The following SLC9A9 variants were observed in gnomAD, a reference collection of about 807,000 sequenced individuals.
SLC9A9 encodes the protein sodium/hydrogen exchanger 9.
In SLC9A9, 62 loss-of-function variants were observed where a neutral mutation model predicts 77.8. That is an observed-to-expected ratio of 0.80 (90% CI 0.65 to 0.98). The LOEUF is 0.98. Ranked by LOEUF, SLC9A9 falls within the 50% of genes least tolerant of loss-of-function variation. The pLI, the probability that SLC9A9 is intolerant of heterozygous loss-of-function variation, is 0.00. For missense variants in SLC9A9, 775 were observed against 774.9 expected (o/e 1.00, Z 0.00); for synonymous variants, 320 against 283.5 (o/e 1.13, Z -1.29).
At chr3:143,320,033 T>C (rs1009506559) in intron 14 of SLC9A9, among the ~76,000 whole-genome samples, 2 of 152,228 alleles carry the variant, frequency 1.3e-5, no homozygotes, top group Non-Finnish European at 2.9e-5. Flanking sequence ...TGTTTTTCCA[T>C]TGGAGATAGA....
In SLC9A9 at chr3:143,267,079, A is replaced by G. The variant is rs904070759; in HGVS notation, c.1711-150T>C. On this transcript the variant is annotated intron_variant, in intron 15 of 15. Coordinates refer to ENST00000316549, the MANE Select transcript of SLC9A9 (RefSeq NM_173653.4). ...CTTGGCTGATGTTTCTGCTGCAGGC[A>G]TGGTACAGCCTTTCCCTGAGTCAGC... The G allele has an allele frequency of 1.1e-5, 8 of 737,450 alleles. No homozygotes were observed. The Admixed American group carries it at 1.7e-4, about 16-fold the overall frequency. 45.7% of individuals were successfully genotyped at this position (737,450 alleles called of 1,614,324 possible). A position where few individuals can be genotyped will look rare whatever the true frequency, so the allele number is the denominator to read the frequency against.
At chr3:143,465,541 C>G (rs962921340) in intron 12 of SLC9A9, among the ~76,000 whole-genome samples, 2 of 152,198 alleles carry the variant, frequency 1.3e-5, no homozygotes, top group African/African-American at 4.8e-5. Context: ...CCTGACATCA[C>G]TACTTTATGT....
chr3:143,509,473 C>T (rs766818356), intron 9 of SLC9A9, among the ~76,000 whole-genome samples: 7 of 152,072 alleles, frequency 4.6e-5, no homozygotes, highest in Admixed American at 1.3e-4. Flanking sequence ...TCTGTAAAGC[C>T]TCTGTGTTGA....
At chr3:143,820,957 G>A (rs1823220) in intron 2 of SLC9A9, among the ~76,000 whole-genome samples, 138,230 of 150,484 alleles carry the variant, frequency 0.92, 64,043 homozygotes, top group South Asian at 0.98. Flanking sequence ...TTAGCTTTGA[G>A]GTGTGTATGC....
intron 12 of SLC9A9, among the ~76,000 whole-genome samples, chr3:143,425,068 C>T (rs2108530789): frequency 6.6e-6 from 1 of 152,284 alleles, no homozygotes; most frequent in African/African-American, 2.4e-5. Flanking sequence ...CCAGGGAGAA[C>T]AGTCTGTTGT....
chr3:143,663,209 T>C (rs991594201), intron 5 of SLC9A9, among the ~76,000 whole-genome samples: 2 of 152,192 alleles, frequency 1.3e-5, no homozygotes, highest in African/African-American at 4.8e-5. Context: ...CCAACAGACG[T>C]GCAGCTGAGG....
At chr3:143,335,742 C>T (rs1396972110) in intron 14 of SLC9A9, among the ~76,000 whole-genome samples, 1 of 151,936 alleles carries the variant, frequency 6.6e-6, no homozygotes, top group African/African-American at 2.4e-5. Flanking sequence ...TTATCTTATG[C>T]CATATAGAAA....
intron 12 of SLC9A9, among the ~76,000 whole-genome samples, chr3:143,389,407 G>C (rs1386407358): frequency 1.3e-5 from 2 of 152,164 alleles, no homozygotes; most frequent in Non-Finnish European, 2.9e-5. Context: ...GCGGTGGTGA[G>C]GGCCATTGTG....
chr3:143,430,254 G>C (rs1004753399), intron 12 of SLC9A9, among the ~76,000 whole-genome samples: 1 of 152,192 alleles, frequency 6.6e-6, no homozygotes, highest in African/African-American at 2.4e-5. Context: ...TCCCAGTGGG[G>C]CTCATTAATG....
At chr3:143,790,607 C>A (rs889281939) in intron 4 of SLC9A9, among the ~76,000 whole-genome samples, 2 of 152,172 alleles carry the variant, frequency 1.3e-5, no homozygotes, top group Non-Finnish European at 2.9e-5. Context: ...GTTCTAGAGT[C>A]AGACTGGCTC....
At chr3:143,558,087 C>T (rs1576575977) in intron 8 of SLC9A9, among the ~76,000 whole-genome samples, 2 of 152,290 alleles carry the variant, frequency 1.3e-5, no homozygotes, top group Non-Finnish European at 2.9e-5. Context: ...GGACATGGTG[C>T]CCTGTGTCCC....
chr3:143,560,382 G>A (rs2037061445), intron 8 of SLC9A9, among the ~76,000 whole-genome samples: 1 of 152,110 alleles, frequency 6.6e-6, no homozygotes, highest in African/African-American at 2.4e-5. Context: ...TTAGCATTTT[G>A]GAACAATTAT....
intron 5 of SLC9A9, among the ~76,000 whole-genome samples, chr3:143,689,211 TTACAAA>T (rs1454098387): frequency 2.0e-5 from 3 of 151,936 alleles, no homozygotes; most frequent in Non-Finnish European, 4.4e-5. Context: ...TCTAGGAAAA[TTACAAA>T]TACATTTACC....
chr3:143,499,888 C>T (rs145179183), intron 9 of SLC9A9, among the ~76,000 whole-genome samples: 5 of 152,212 alleles, frequency 3.3e-5, no homozygotes, highest in African/African-American at 7.2e-5. Context: ...AATTGATTTT[C>T]GAATGCTAAA....
At chr3:143,635,086 A>G (rs9809563) in intron 6 of SLC9A9, among the ~76,000 whole-genome samples, 74,706 of 151,928 alleles carry the variant, frequency 0.49, 19,754 homozygotes, top group African/African-American at 0.7. Flanking sequence ...AGGGTGCAGT[A>G]GGTCCAGCTC....
intron 11 of SLC9A9, among the ~76,000 whole-genome samples, chr3:143,469,821 G>T (rs1016599828): frequency 6.6e-6 from 1 of 152,136 alleles, no homozygotes; most frequent in Non-Finnish European, 1.5e-5. Flanking sequence ...AAATCTCCAC[G>T]TAGACATGGA....
intron 5 of SLC9A9, among the ~76,000 whole-genome samples, chr3:143,679,631 T>C (rs1933016213): frequency 6.6e-6 from 1 of 152,170 alleles, no homozygotes; most frequent in African/African-American, 2.4e-5. Flanking sequence ...ATCACTACCC[T>C]GGGTTAGTGG....
At chr3:143,352,127 G>A (rs1047951223) in intron 14 of SLC9A9, among the ~76,000 whole-genome samples, 3 of 152,098 alleles carry the variant, frequency 2.0e-5, no homozygotes, top group African/African-American at 4.8e-5. Flanking sequence ...ACACCCACTC[G>A]CTGCTCTTGG....
At chr3:143,813,392 C>T (rs929397708) in intron 2 of SLC9A9, among the ~76,000 whole-genome samples, 1 of 152,072 alleles carries the variant, frequency 6.6e-6, no homozygotes, top group East Asian at 1.9e-4. Flanking sequence ...GATCCTGATC[C>T]CAACTTTAAT....
Sources: allele counts gnomAD v4.1 joint callset (sites outside exome capture counted in the v4.1 genomes callset), GRCh38; gene constraint gnomAD v4.1.1; transcripts MANE v1.5; gene names NCBI Gene and HGNC (gene_info 2026-07-23, HGNC 2026-07-21).